TGFBRAP1: variants seen among roughly 807,000 people sequenced by gnomAD.
TGFBRAP1 encodes the protein transforming growth factor beta receptor associated protein 1.
In TGFBRAP1, 20 loss-of-function variants were observed where a neutral mutation model predicts 83.2. The ratio of observed to expected loss-of-function variants is 0.24; its 90% CI spans 0.17 to 0.35. The LOEUF is 0.35. Among genes scored for constraint, TGFBRAP1 ranks in the 10% least tolerant of loss-of-function variants. TGFBRAP1 has a pLI of 1.00. For missense variants in TGFBRAP1, 950 were observed against 1,099.4 expected (o/e 0.86, Z 1.92); for synonymous variants, 415 against 459.8 (o/e 0.90, Z 1.25).
downstream of TGFBRAP1, among the ~76,000 whole-genome samples, chr2:105,262,683 T>C (rs1676816642): frequency 1.3e-5 from 2 of 152,240 alleles, no homozygotes; most frequent in Admixed American, 1.3e-4. Flanking sequence ...TCTCAAGTCA[T>C]GCTCGTCCTG....
Position 105,267,574 on chromosome 2 carries a change from C to T in TGFBRAP1, c.2407-15G>A. On this transcript the variant is annotated splice_polypyrimidine_tract_variant and intron_variant, in intron 11 of 11. Coordinates refer to ENST00000393359, the MANE Select transcript of TGFBRAP1 (RefSeq NM_004257.6). ...TTCAACTTCATCTGCAAGAAGAAAC[C>T]AAGACTGAGAATGCTGTCATGTGTT... 1 of 1,613,940 alleles carries T rather than the reference C, an allele frequency of 6.2e-7. No individual in the cohort carries two copies. The highest frequency in any genetic ancestry group is 1.3e-5 in the African/African-American group (1 of 75,024).
intron 1 of TGFBRAP1, among the ~76,000 whole-genome samples, chr2:105,325,423 A>G (rs1259471265): frequency 6.6e-6 from 1 of 152,204 alleles, no homozygotes; most frequent in Non-Finnish European, 1.5e-5. Flanking sequence ...TTACCTGGCT[A>G]CAAGGTGATG....
chr2:105,276,703 A>G (rs1677362833), intron 7 of TGFBRAP1, among the ~76,000 whole-genome samples: 1 of 152,204 alleles, frequency 6.6e-6, no homozygotes, highest in African/African-American at 2.4e-5. Flanking sequence ...AGGTTTTTGA[A>G]AATGAAAATT....
intron 1 of TGFBRAP1, among the ~76,000 whole-genome samples, chr2:105,311,539 T>C (rs1529974): frequency 0.72 from 109,374 of 151,610 alleles, 39,685 homozygotes; most frequent in East Asian, 0.82. Context: ...GAGCCATGAT[T>C]GCACCACCGC....
At position 105,283,267 on chromosome 2, in the gene TGFBRAP1, T is replaced by C. The variant is rs189864301; in HGVS notation, c.1121+1049A>G. On this transcript the variant is annotated intron_variant, in intron 5 of 11. Coordinates refer to ENST00000393359, the MANE Select transcript of TGFBRAP1 (RefSeq NM_004257.6). ...TTCAAGGAATGATTCCTCCTTTACT[T>C]AGAAATCCATTCTCTACAACCGATT... Among the ~76,000 whole-genome samples the C allele has an allele frequency of 2.2e-4, 33 of 152,304 alleles. 1 individual carries two copies. In the East Asian group the frequency reaches 3.3e-3, roughly 15 times the overall value.
At chr2:105,311,707 T>C (rs1678698911) in intron 1 of TGFBRAP1, among the ~76,000 whole-genome samples, 1 of 152,098 alleles carries the variant, frequency 6.6e-6, no homozygotes. Context: ...AAGACCAGCC[T>C]GCCCAACATG....
intron 1 of TGFBRAP1, among the ~76,000 whole-genome samples, chr2:105,326,191 C>T (rs1313835243): frequency 1.3e-5 from 2 of 152,000 alleles, no homozygotes; most frequent in African/African-American, 4.8e-5. Context: ...TTTATATACA[C>T]ACACATATAT....
At chr2:105,316,141 C>G (rs1352318968) in intron 1 of TGFBRAP1, among the ~76,000 whole-genome samples, 1 of 152,006 alleles carries the variant, frequency 6.6e-6, no homozygotes, top group East Asian at 1.9e-4. Context: ...TAATCTATAG[C>G]GACAGAAATC....
chr2:105,309,929 T>A (rs762978644), intron 1 of TGFBRAP1, among the ~76,000 whole-genome samples: 5 of 152,098 alleles, frequency 3.3e-5, no homozygotes, highest in Non-Finnish European at 7.4e-5. Flanking sequence ...GTTCCTTCCA[T>A]CCACTATGTG....
chr2:105,260,875 C>T (rs1355543303), downstream of TGFBRAP1, among the ~76,000 whole-genome samples: 2 of 151,994 alleles, frequency 1.3e-5, no homozygotes, highest in Non-Finnish European at 2.9e-5. Context: ...TTGGGGAGGG[C>T]ATAAAATTTG....
At chr2:105,287,520 T>C (rs1267860818) in intron 4 of TGFBRAP1, among the ~76,000 whole-genome samples, 1 of 152,152 alleles carries the variant, frequency 6.6e-6, no homozygotes, top group Non-Finnish European at 1.5e-5. Flanking sequence ...TGGGTCTGAG[T>C]GCAGGCTCTG....
intron 2 of TGFBRAP1, among the ~76,000 whole-genome samples, chr2:105,299,728 C>T (rs571723239): frequency 1.3e-5 from 2 of 152,076 alleles, no homozygotes; most frequent in Admixed American, 1.3e-4. Flanking sequence ...GACCCCACCT[C>T]AAAATAAATA....
At chr2:105,290,616 AGTGTGTGTGTGTGT>A (rs3060065) in intron 4 of TGFBRAP1, among the ~76,000 whole-genome samples, 35 of 140,098 alleles carry the variant, frequency 2.5e-4, no homozygotes, top group South Asian at 4.9e-4. Flanking sequence ...ACAGAGAGAC[AGTGTGTGTGTGTGT>A]GTGTGTGTGT....
rs1166967587 is a variant in TGFBRAP1, at chr2:105,267,331, AG to A, written c.*51del. 104 of 1,602,484 alleles carry A rather than the reference AG, an allele frequency of 6.5e-5. No individual in the cohort carries two copies. The highest frequency in any genetic ancestry group is 8.6e-5 in the Non-Finnish European group (101 of 1,173,432). On this transcript the variant is annotated 3_prime_UTR_variant, in exon 12 of 12. Transcript: ENST00000393359. ...TGGTGGTCATCTGCTCTTCATGTCC[AG>A]CAGGCTCAGAAAGAACTCGGAGTTC...
At chr2:105,273,130 G>GAT in intron 9 of TGFBRAP1, 116 bp from the exon 10 acceptor site, 1 of 1,306,598 alleles carries the variant, frequency 7.7e-7, no homozygotes, top group Admixed American at 2.4e-5. Context: ...GAGCTGGGCA[G>GAT]ATGCTCACTT....
In TGFBRAP1 at chr2:105,301,987, AT is replaced by A. The variant is rs547593966; in HGVS notation, c.689-3283del. 4.1e-3 allele frequency among the ~76,000 whole-genome samples: 573 copies of A among 140,938 alleles called. 8 individuals carry two copies. Among genetic ancestry groups the A allele is most frequent in the Non-Finnish European group, 4.4e-3 (289 of 66,296 alleles). The allele number at this position is 140,938 out of a possible 152,430, so 92.5% of individuals were successfully genotyped here. A position where few individuals can be genotyped will look rare whatever the true frequency, so the allele number is the denominator to read the frequency against. On this transcript the variant is annotated intron_variant, in intron 2 of 11. Coordinates refer to ENST00000393359, the MANE Select transcript of TGFBRAP1 (RefSeq NM_004257.6). ...AAACTTATATAACAGAGAAGTTGGT[AT>A]CTCAAACATATAAAGAATACTAAAA... is the stretch of plus-strand genomic sequence containing the variant.
intron 6 of TGFBRAP1, 59 bp downstream of exon 6, chr2:105,280,323 G>C: frequency 1.3e-6 from 2 of 1,543,934 alleles, no homozygotes; most frequent in Non-Finnish European, 8.8e-7. Flanking sequence ...CCCCAGCAAA[G>C]AGCCTCAGTA....
intron 1 of TGFBRAP1, among the ~76,000 whole-genome samples, chr2:105,316,469 GCGCGCGCGCGCA>G (rs150092782): frequency 0.029 from 1,918 of 66,980 alleles, 40 homozygotes; most frequent in African/African-American, 0.073. Context: ...GTGTGCGCGC[GCGCGCGCGCGCA>G]CGCGCACATA....
intron 4 of TGFBRAP1, among the ~76,000 whole-genome samples, chr2:105,295,039 C>A (rs1351995672): frequency 1.3e-5 from 2 of 152,180 alleles, no homozygotes; most frequent in African/African-American, 4.8e-5. Context: ...CCCTCCAGGG[C>A]ACAAGAAGCT....
Sources: allele counts gnomAD v4.1 joint callset (sites outside exome capture counted in the v4.1 genomes callset), GRCh38; gene constraint gnomAD v4.1.1; transcripts MANE v1.5; gene names NCBI Gene and HGNC (gene_info 2026-07-23, HGNC 2026-07-21).